C3orf22: variants seen among roughly 807,000 people sequenced by gnomAD.
The protein encoded by C3orf22 is uncharacterized protein C3orf22.
A neutral mutation model predicts 10.8 loss-of-function variants in C3orf22; 7 were observed. The ratio of observed to expected loss-of-function variants is 0.65; its 90% CI spans 0.37 to 1.22. C3orf22 has a LOEUF of 1.22. C3orf22 is among the 50% of genes most tolerant of loss of function. The probability of loss-of-function intolerance (pLI) is 0.02; values close to 1 mark genes in which losing one functional copy is unlikely to be tolerated. For missense variants in C3orf22, 173 were observed against 177.0 expected, an observed-to-expected ratio of 0.98 and a Z score of 0.13; for synonymous variants, 79 against 78.9, an observed-to-expected ratio of 1.00 and a Z score of 0.00.
At chr3:126,548,263 T>A (rs1240327097), downstream of C3orf22, among the ~76,000 whole-genome samples, 3 of 152,316 alleles carry the variant, frequency 2.0e-5, no homozygotes, top group Middle Eastern at 3.4e-3. Flanking sequence ...CCCAAAGTGT[T>A]GGGATTACAG....
At chr3:126,529,253 T>G in exon 5 of C3orf22, 1 of 1,196,542 alleles carries the variant, frequency 8.4e-7, no homozygotes, top group Non-Finnish European at 1.1e-6. Context: ...GAGGAGGCCT[T>G]GCAACATGAC....
chr3:126,541,620 C>A (rs1936957518), intron 4 of C3orf22: 1 of 1,050,984 alleles, frequency 9.5e-7, no homozygotes, highest in Non-Finnish European at 1.3e-6. Context: ...ATTTGGGTGC[C>A]CGGCGCAGCT....
chr3:126,549,861 C>G lies in C3orf22; in HGVS notation c.*7G>C, dbSNP rs774804083. ...CCAATAAGAAGGCCACACACAGAGC[C>G]CAGTCTCTAGGAGAGGCCCCTGGAC... On this transcript the variant is annotated 3_prime_UTR_variant, in exon 4 of 4. Coordinates refer to ENST00000318225, the MANE Select transcript of C3orf22 (RefSeq NM_152533.3). 6.2e-7 allele frequency: 1 copy of G among 1,607,268 alleles called. No homozygotes were observed. The highest frequency in any genetic ancestry group is 8.5e-7 in the Non-Finnish European group (1 of 1,176,346).
At chr3:126,549,145 C>T (rs898276910), downstream of C3orf22, among the ~76,000 whole-genome samples, 1 of 152,136 alleles carries the variant, frequency 6.6e-6, no homozygotes, top group African/African-American at 2.4e-5. Context: ...TGGCATTAGG[C>T]TCATGTATGA....
intron 4 of C3orf22, among the ~76,000 whole-genome samples, chr3:126,539,564 C>A (rs1458202246): frequency 1.4e-4 from 20 of 145,494 alleles, no homozygotes; most frequent in African/African-American, 4.9e-4. Flanking sequence ...ACACTGCACA[C>A]ACACACACAT....
At chr3:126,546,080 C>T (rs553859730), downstream of C3orf22, among the ~76,000 whole-genome samples, 16 of 152,308 alleles carry the variant, frequency 1.1e-4, no homozygotes, top group South Asian at 3.1e-3. Context: ...CCACTGTATT[C>T]CCAGTGGCAA....
chr3:126,538,833 T>C (rs1179071809), intron 4 of C3orf22, among the ~76,000 whole-genome samples: 1 of 152,200 alleles, frequency 6.6e-6, no homozygotes, highest in Non-Finnish European at 1.5e-5. Flanking sequence ...TCACTTAGCA[T>C]GATGTCCTCA....
intron 4 of C3orf22, chr3:126,541,909 C>G: frequency 6.2e-7 from 1 of 1,600,316 alleles, no homozygotes; most frequent in Non-Finnish European, 8.5e-7. Flanking sequence ...CCTGCACCAA[C>G]TGGAAGCGCG....
rs763093808 is a variant in C3orf22 at position 126,553,406 on chromosome 3, G to A, written c.-16C>T. 6 of 1,612,836 alleles carry A rather than the reference G, an allele frequency of 3.7e-6. No homozygotes were observed. Among genetic ancestry groups the A allele is most frequent in the South Asian group, 3.3e-5 (3 of 91,058 alleles). ...TGGAGTCCATCACTGAGTGGGTTAA[G>A]CTGAGGCACACCTCTCAGCCATGGC... On this transcript the variant is annotated 5_prime_UTR_variant, in exon 2 of 4. Transcript: ENST00000318225.
At chr3:126,542,865 A>G in intron 4 of C3orf22, 1 of 323,072 alleles carries the variant, frequency 3.1e-6, no homozygotes, top group Non-Finnish European at 5.6e-6. Context: ...CAAGGACTTG[A>G]TAACCAGGGT....
chr3:126,543,672 ATGAG>A (rs201557800), intron 4 of C3orf22, among the ~76,000 whole-genome samples: 1,833 of 152,138 alleles, frequency 0.012, 29 homozygotes, highest in African/African-American at 0.029. Flanking sequence ...GTGTGAGTAT[ATGAG>A]TGAGAGTGTG....
Position 126,551,847 on chromosome 3 carries a change from G to A in C3orf22, c.215+150C>T, listed in dbSNP as rs770778924. 6.7e-4 allele frequency: 566 copies of A among 846,248 alleles called. 1 individual carries two copies. Among genetic ancestry groups the A allele is most frequent in the Non-Finnish European group, 8.9e-4 (505 of 567,668 alleles). 52.4% of individuals were successfully genotyped at this position (846,248 alleles called of 1,614,324 possible). On this transcript the variant is annotated intron_variant, in intron 3 of 3. Transcript: ENST00000318225. ...CTGTGGGAACAATTATCAGGCTTTA[G>A]CATCCCCCTTCTCTGCCTCAGTTTC...
intron 4 of C3orf22, among the ~76,000 whole-genome samples, chr3:126,535,687 C>T (rs759983473): frequency 3.3e-5 from 5 of 152,300 alleles, no homozygotes; most frequent in Non-Finnish European, 7.3e-5. Context: ...CATCCCTCTT[C>T]TCATCTGGAG....
At chr3:126,540,179 T>C (rs950225547) in intron 4 of C3orf22, among the ~76,000 whole-genome samples, 3 of 152,128 alleles carry the variant, frequency 2.0e-5, no homozygotes, top group African/African-American at 7.2e-5. Flanking sequence ...CAAAGGCCGC[T>C]TTGGCCTCCT....
intron 4 of C3orf22, chr3:126,542,421 G>GGCCGCCGCGGCCCCGGGGA (rs1936984856): frequency 6.4e-7 from 1 of 1,550,666 alleles, no homozygotes; most frequent in African/African-American, 1.4e-5. Flanking sequence ...AGCTTCCCTG[G>GGCCGCCGCGGCCCCGGGGA]GCCGCCGCGG....
downstream of C3orf22, among the ~76,000 whole-genome samples, chr3:126,544,903 G>C (rs551590297): frequency 6.6e-6 from 1 of 152,370 alleles, no homozygotes; most frequent in Non-Finnish European, 1.5e-5. Context: ...TGCTGTATGT[G>C]CAGGGCCACA....
chr3:126,528,798 C>G (rs900979782), intron 5 of C3orf22, among the ~76,000 whole-genome samples: 2 of 152,164 alleles, frequency 1.3e-5, no homozygotes, highest in African/African-American at 4.8e-5. Flanking sequence ...CTCCCCTAAA[C>G]AGAATTGCTT....
At chr3:126,534,394 C>G (rs1576750637) in intron 4 of C3orf22, among the ~76,000 whole-genome samples, 1 of 120,266 alleles carries the variant, frequency 8.3e-6, no homozygotes, top group African/African-American at 4.4e-5. Flanking sequence ...AGCAAGGAGA[C>G]AGACAGACAG....
At chr3:126,533,408 G>A (rs945074566) in intron 4 of C3orf22, among the ~76,000 whole-genome samples, 3 of 152,134 alleles carry the variant, frequency 2.0e-5, no homozygotes, top group African/African-American at 7.2e-5. Flanking sequence ...CTATTCTTAA[G>A]CTGTTTAGTG....
Sources: allele counts gnomAD v4.1 joint callset (sites outside exome capture counted in the v4.1 genomes callset), GRCh38; gene constraint gnomAD v4.1.1; transcripts MANE v1.5; gene names NCBI Gene and HGNC (gene_info 2026-07-23, HGNC 2026-07-21).